ERGIC1: variants seen among roughly 807,000 people sequenced by gnomAD.
The protein encoded by ERGIC1 is endoplasmic reticulum-Golgi intermediate compartment protein 1.
In ERGIC1, 19 loss-of-function variants were observed where a neutral mutation model predicts 38.3. The observed-to-expected ratio is 0.50, with a 90% CI of 0.35 to 0.73. ERGIC1 has a LOEUF of 0.73. Among genes scored for constraint, ERGIC1 ranks in the 30% least tolerant of loss-of-function variants. The pLI is 0.01. For synonymous variants in ERGIC1, 124 were observed against 157.6 expected (o/e 0.79, Z 1.60); for missense variants, 294 against 389.2 (o/e 0.76, Z 2.06).
At chr5:172,859,474 C>T (rs2113091258) in intron 1 of ERGIC1, among the ~76,000 whole-genome samples, 1 of 147,068 alleles carries the variant, frequency 6.8e-6, no homozygotes, top group African/African-American at 2.4e-5. Flanking sequence ...TGTTTGCTTC[C>T]AGACTGAAGG....
At chr5:172,927,730 C>A (rs892143862) in intron 7 of ERGIC1, among the ~76,000 whole-genome samples, 1 of 152,102 alleles carries the variant, frequency 6.6e-6, no homozygotes, top group Non-Finnish European at 1.5e-5. Flanking sequence ...CAGGTGCCTG[C>A]CACAATGCCC....
chr5:172,923,602 G>A (rs776717597), intron 5 of ERGIC1, among the ~76,000 whole-genome samples: 9 of 152,196 alleles, frequency 5.9e-5, no homozygotes, highest in Non-Finnish European at 1.2e-4. Context: ...AATGATAGGG[G>A]TTTGGAGTCT....
chr5:172,907,080 C>G (rs985318488), intron 3 of ERGIC1, among the ~76,000 whole-genome samples: 1 of 152,214 alleles, frequency 6.6e-6, no homozygotes, highest in Non-Finnish European at 1.5e-5. Context: ...GCAAGTCCCG[C>G]CTGCTCTACG....
intron 9 of ERGIC1, among the ~76,000 whole-genome samples, chr5:172,945,557 T>C (rs1200691488): frequency 6.6e-6 from 1 of 152,226 alleles, no homozygotes; most frequent in East Asian, 1.9e-4. Context: ...TTCTTGGCCA[T>C]AAGGTTAGAG....
chr5:172,834,666 C>T lies in ERGIC1; in HGVS notation c.20+233C>T, dbSNP rs1760990793. On this transcript the variant is annotated intron_variant, in intron 1 of 9. Transcript: ENST00000393784. The surrounding 1 kb of genome is among the most constrained non-coding windows in gnomAD (Gnocchi z 4.1). Reference sequence around the variant, plus strand: ...GACAAATCCACCCACCTTCCCTCCGCCGAGCCCCCTCCCCAGCCTGCCCGG... The same window carrying T: ...GACAAATCCACCCACCTTCCCTCCGTCGAGCCCCCTCCCCAGCCTGCCCGG... 6.6e-6 allele frequency among the ~76,000 whole-genome samples: 1 copy of T among 151,494 alleles called. No individual in the cohort carries two copies. Among genetic ancestry groups the T allele is most frequent in the African/African-American group, 2.4e-5 (1 of 41,224 alleles).
At chr5:172,925,245 AAAAAAT>A (rs1292840906) in intron 6 of ERGIC1, among the ~76,000 whole-genome samples, 1 of 152,122 alleles carries the variant, frequency 6.6e-6, no homozygotes, top group African/African-American at 2.4e-5. Context: ...CCAAAAAAAG[AAAAAAT>A]AAAAATAAAA....
At chr5:172,887,656 A>T (rs1458322247) in intron 1 of ERGIC1, among the ~76,000 whole-genome samples, 1 of 151,992 alleles carries the variant, frequency 6.6e-6, no homozygotes, top group Non-Finnish European at 1.5e-5. Flanking sequence ...GATTTCCAAA[A>T]CCCTGAATTC....
At chr5:172,840,344 C>T (rs991791263) in intron 1 of ERGIC1, among the ~76,000 whole-genome samples, 1 of 152,066 alleles carries the variant, frequency 6.6e-6, no homozygotes, top group Non-Finnish European at 1.5e-5. Context: ...GTAATCCTTT[C>T]GTATTTTATT....
intron 5 of ERGIC1, among the ~76,000 whole-genome samples, chr5:172,922,715 C>T (rs1037369248): frequency 2.6e-5 from 4 of 152,252 alleles, no homozygotes; most frequent in Admixed American, 6.5e-5. Flanking sequence ...GCTTGGCCAG[C>T]GGCCAGATGT....
chr5:172,841,046 A>T (rs1356722751), intron 1 of ERGIC1, among the ~76,000 whole-genome samples: 1 of 152,234 alleles, frequency 6.6e-6, no homozygotes, highest in Admixed American at 6.5e-5. Context: ...TTTATGGAGC[A>T]GCTAGTGCCA....
At chr5:172,902,329 G>A (rs1762904438) in intron 3 of ERGIC1, among the ~76,000 whole-genome samples, 1 of 152,170 alleles carries the variant, frequency 6.6e-6, no homozygotes, top group South Asian at 2.1e-4. Flanking sequence ...CCAGGAGGAG[G>A]AGCTGGAAGT....
chr5:172,841,194 C>T (rs1761150156), intron 1 of ERGIC1, among the ~76,000 whole-genome samples: 1 of 152,082 alleles, frequency 6.6e-6, no homozygotes, highest in African/African-American at 2.4e-5. Flanking sequence ...GGGAAAAGTA[C>T]AGGACAGGAA....
chr5:172,935,413 G>A, intron 9 of ERGIC1, 103 bp downstream of exon 9: 1 of 1,530,050 alleles, frequency 6.5e-7, no homozygotes, highest in Non-Finnish European at 8.9e-7. Context: ...TGAAACAGGA[G>A]GCAGCCTGCA....
intron 7 of ERGIC1, 28 bp from the exon 8 acceptor site, chr5:172,932,408 G>T: frequency 6.2e-7 from 1 of 1,611,852 alleles, no homozygotes; most frequent in East Asian, 2.2e-5. Flanking sequence ...CCGTCCCCCT[G>T]CTTCATTCTG....
intron 9 of ERGIC1, among the ~76,000 whole-genome samples, chr5:172,949,228 CAAT>C (rs767085317): frequency 3.7e-4 from 57 of 152,214 alleles, no homozygotes; most frequent in Admixed American, 1.2e-3. Flanking sequence ...CTTTGTGATT[CAAT>C]CAGGTGGGTG....
Position 172,840,075 on chromosome 5 carries a change from C to T in ERGIC1, c.20+5642C>T, listed in dbSNP as rs1231583540. ...CTTTTTTCCCCCTAGCCTCATGTAG[C>T]GTGATACCTGATTCTGAAATGGTCT... is the stretch of plus-strand genomic sequence containing the variant. On this transcript the variant is annotated intron_variant, in intron 1 of 9. Transcript: ENST00000393784. Among the ~76,000 whole-genome samples the T allele has an allele frequency of 3.3e-5, 5 of 152,204 alleles. No homozygotes were observed. In the East Asian group the frequency reaches 9.6e-4, roughly 29 times the overall value.
intron 3 of ERGIC1, among the ~76,000 whole-genome samples, chr5:172,908,974 A>G (rs906593069): frequency 6.6e-6 from 1 of 152,020 alleles, no homozygotes; most frequent in African/African-American, 2.4e-5. Context: ...TAAGACCCCT[A>G]TTTCTCATTT....
chr5:172,847,151 C>T (rs972144587), intron 1 of ERGIC1, among the ~76,000 whole-genome samples: 5 of 152,266 alleles, frequency 3.3e-5, no homozygotes, highest in Middle Eastern at 3.4e-3. Flanking sequence ...TGACTCCTTG[C>T]GTCTTCTGGC....
chr5:172,861,324 G>A (rs1028040874), intron 1 of ERGIC1, among the ~76,000 whole-genome samples: 14 of 152,272 alleles, frequency 9.2e-5, no homozygotes, highest in African/African-American at 3.4e-4. Context: ...CCCTCTGTCC[G>A]GCTCTGTCAG....
Sources: allele counts gnomAD v4.1 joint callset (sites outside exome capture counted in the v4.1 genomes callset), GRCh38; gene constraint gnomAD v4.1.1; non-coding constraint Gnocchi (gnomAD v3.1); transcripts MANE v1.5; gene names NCBI Gene and HGNC (gene_info 2026-07-23, HGNC 2026-07-21).